CCDC171: variants seen among roughly 807,000 people sequenced by gnomAD.
CCDC171 encodes coiled-coil domain containing 171, also known as coiled-coil domain-containing protein 171.
CCDC171 carries 177 observed loss-of-function variants against 168.2 expected under a neutral mutation model. That is an observed-to-expected ratio of 1.05 (90% CI 0.93 to 1.19). The LOEUF (loss-of-function observed/expected upper bound fraction) is 1.19, where lower values mean the gene tolerates loss of function less well. Ranked by LOEUF, CCDC171 falls within the 50% of genes most tolerant of loss-of-function variation. CCDC171 has a pLI of 0.00. For synonymous variants in CCDC171, 687 were observed against 540.8 expected, an observed-to-expected ratio of 1.27 and a Z score of -3.75; for missense variants, 1,991 against 1,539.0, an observed-to-expected ratio of 1.29 and a Z score of -4.91.
chr9:16,063,766 C>G (rs906978677), downstream of CCDC171, among the ~76,000 whole-genome samples: 1 of 152,180 alleles, frequency 6.6e-6, no homozygotes, highest in African/African-American at 2.4e-5. Flanking sequence ...TTTGTTCCAT[C>G]CTCAAAACCG....
intron 9 of CCDC171, among the ~76,000 whole-genome samples, chr9:15,678,449 T>C (rs1312363757): frequency 3.3e-5 from 5 of 152,284 alleles, no homozygotes; most frequent in Admixed American, 1.3e-4. Flanking sequence ...TCTGAGCTAA[T>C]TGAACTACGG....
intron 21 of CCDC171, among the ~76,000 whole-genome samples, chr9:15,814,426 A>G (rs562921550): frequency 6.6e-6 from 1 of 152,316 alleles, no homozygotes; most frequent in Admixed American, 6.5e-5. Context: ...AATTTAGGAA[A>G]TGATAGTAAT....
chr9:15,791,394 T>C (rs1270881842), intron 21 of CCDC171, among the ~76,000 whole-genome samples: 1 of 152,140 alleles, frequency 6.6e-6, no homozygotes, highest in Non-Finnish European at 1.5e-5. Flanking sequence ...TTTGGCTCTG[T>C]GTTTTTCTTA....
intron 11 of CCDC171, among the ~76,000 whole-genome samples, chr9:15,708,063 G>C (rs1205732149): frequency 6.6e-6 from 1 of 152,184 alleles, no homozygotes; most frequent in Non-Finnish European, 1.5e-5. Flanking sequence ...GGCCAGGCTG[G>C]TCTTGAACTC....
intron 3 of CCDC171, among the ~76,000 whole-genome samples, chr9:16,006,964 G>T (rs1194446097): frequency 1.3e-5 from 2 of 152,128 alleles, no homozygotes; most frequent in East Asian, 3.9e-4. Flanking sequence ...GGATGGCTGG[G>T]TCAGTTGGTA....
At chr9:15,584,922 CTCAGAG>C (rs2041434810) in intron 4 of CCDC171, among the ~76,000 whole-genome samples, 2 of 152,230 alleles carry the variant, frequency 1.3e-5, no homozygotes, top group African/African-American at 2.4e-5. Flanking sequence ...AAGTTACTTG[CTCAGAG>C]TCAAACAATT....
At chr9:15,957,929 C>G (rs950243392) in intron 25 of CCDC171, among the ~76,000 whole-genome samples, 9 of 151,824 alleles carry the variant, frequency 5.9e-5, no homozygotes, top group Non-Finnish European at 1.3e-4. Context: ...TAGAAAGGAA[C>G]GGTAAGTTCC....
rs1482382596 is a variant in CCDC171 at position 15,653,385 on chromosome 9, C to A, written c.823-3742C>A. On this transcript the variant is annotated intron_variant, in intron 7 of 25. Transcript: ENST00000380701. ...TTGGACTCCTGGGCTCAAGTGATCT[C>A]CCTGAGTTGGCCTTCTGAAGTGTGG... Among the ~76,000 whole-genome samples the A allele has an allele frequency of 2.6e-5, 4 of 151,888 alleles. No homozygotes were observed. In the East Asian group the frequency reaches 7.8e-4, roughly 30 times the overall value.
At chr9:15,936,423 A>G (rs1030453058) in intron 25 of CCDC171, among the ~76,000 whole-genome samples, 15 of 152,070 alleles carry the variant, frequency 9.9e-5, no homozygotes, top group Middle Eastern at 3.4e-3. Context: ...TACAATCAGA[A>G]CACACAGAGA....
At chr9:15,698,628 GGT>G (rs1309723650) in intron 11 of CCDC171, among the ~76,000 whole-genome samples, 4 of 151,970 alleles carry the variant, frequency 2.6e-5, no homozygotes, top group African/African-American at 9.7e-5. Flanking sequence ...CAAATGACAG[GGT>G]TTCATTCTTT....
At chr9:16,057,457 G>GT (rs1270485855) in intron 1 of CCDC171, among the ~76,000 whole-genome samples, 2 of 152,024 alleles carry the variant, frequency 1.3e-5, no homozygotes, top group Admixed American at 1.3e-4. Flanking sequence ...GTTTTGTTTT[G>GT]TTTTTTTGTT....
chr9:16,033,500 C>A (rs1482061992), intron 6 of CCDC171, among the ~76,000 whole-genome samples: 1 of 152,236 alleles, frequency 6.6e-6, no homozygotes, highest in Admixed American at 6.5e-5. Context: ...GCTTGATGAT[C>A]TGTCTCTGTC....
At chr9:16,081,502 T>G in the CCDC171 span, among the ~76,000 whole-genome samples, 2 of 152,086 alleles carry the variant, frequency 1.3e-5, no homozygotes, top group Non-Finnish European at 2.9e-5. Flanking sequence ...CAAGAAAAAA[T>G]GTAGCTCTAG....
intron 6 of CCDC171, among the ~76,000 whole-genome samples, chr9:16,029,933 A>T (rs930755959): frequency 1.3e-5 from 2 of 152,176 alleles, no homozygotes; most frequent in African/African-American, 4.8e-5. Context: ...TTTATTTCCC[A>T]CAGTTCTGGA....
intron 25 of CCDC171, among the ~76,000 whole-genome samples, chr9:15,952,057 C>G (rs1171620852): frequency 1.3e-5 from 2 of 152,106 alleles, no homozygotes; most frequent in East Asian, 3.9e-4. Flanking sequence ...GTTCTTCATT[C>G]TTTCTTCAGT....
chr9:15,979,547 C>G (rs1831728805), intron 3 of CCDC171, among the ~76,000 whole-genome samples: 2 of 151,986 alleles, frequency 1.3e-5, no homozygotes, highest in South Asian at 4.2e-4. Flanking sequence ...TTGAGATGAT[C>G]ATGTGGTTTT....
chr9:15,598,829 G>A (rs1424494726), intron 6 of CCDC171, among the ~76,000 whole-genome samples: 1 of 152,130 alleles, frequency 6.6e-6, no homozygotes, highest in African/African-American at 2.4e-5. Flanking sequence ...GAATCTGGGT[G>A]CTCCTGTATT....
chr9:15,573,854 A>G (rs551786579), intron 3 of CCDC171, among the ~76,000 whole-genome samples: 10 of 152,080 alleles, frequency 6.6e-5, no homozygotes, highest in East Asian at 3.9e-4. Flanking sequence ...TGTGCCCGGG[A>G]GTTCGAGACC....
intron 23 of CCDC171, among the ~76,000 whole-genome samples, chr9:15,854,099 G>A (rs866175827): frequency 6.7e-6 from 1 of 149,664 alleles, no homozygotes; most frequent in African/African-American, 2.5e-5. Context: ...TTTAGGATCA[G>A]AGTAATACTG....
Sources: gnomAD v4.1 joint callset for allele counts (sites outside exome capture counted in the v4.1 genomes callset) on GRCh38, gnomAD v4.1.1 for gene constraint, MANE v1.5 for transcripts, NCBI Gene and HGNC (gene_info 2026-07-23, HGNC 2026-07-21) for gene names.